Variants in HORMAD2 observed in about 807,000 individuals in gnomAD.
HORMAD2 encodes HORMA domain-containing protein 2.
Under a neutral mutation model 38.8 loss-of-function variants are expected in HORMAD2, and 45 were observed. The observed-to-expected ratio is 1.16, with a 90% CI of 0.91 to 1.49. The LOEUF is 1.49. Ranked by LOEUF, HORMAD2 falls within the 40% of genes most tolerant of loss-of-function variation. The pLI is 0.00. For synonymous variants in HORMAD2, 126 were observed against 122.8 expected (o/e 1.03, Z -0.17); for missense variants, 338 against 367.0 (o/e 0.92, Z 0.65).
intron 10 of HORMAD2, among the ~76,000 whole-genome samples, chr22:30,144,944 G>T (rs1053340444): frequency 5.9e-5 from 9 of 152,140 alleles, no homozygotes; most frequent in African/African-American, 1.9e-4. Context: ...TTGGGAGAGA[G>T]GGAGGCTTGT....
chr22:30,199,955 C>CA, the HORMAD2 span, among the ~76,000 whole-genome samples: 1 of 151,636 alleles, frequency 6.6e-6, no homozygotes, highest in Non-Finnish European at 1.5e-5. Context: ...ACTAAAAATG[C>CA]AAAAAAATTT....
At chr22:30,093,326 T>C (rs903094216) in intron 1 of HORMAD2, among the ~76,000 whole-genome samples, 1 of 152,168 alleles carries the variant, frequency 6.6e-6, no homozygotes, top group South Asian at 2.1e-4. Flanking sequence ...AGTATAAACA[T>C]TAACTTCTGA....
chr22:30,089,066 G>T (rs958700839), intron 1 of HORMAD2, among the ~76,000 whole-genome samples: 3 of 152,086 alleles, frequency 2.0e-5, no homozygotes, highest in African/African-American at 7.2e-5. Flanking sequence ...CCCCTCTGAA[G>T]AAATAATTTG....
intron 10 of HORMAD2, among the ~76,000 whole-genome samples, chr22:30,141,993 T>TA (rs1342561289): frequency 6.6e-6 from 1 of 152,172 alleles, no homozygotes; most frequent in Admixed American, 6.5e-5. Flanking sequence ...CTCTTACCTG[T>TA]AATCCTAGCA....
intron 4 of HORMAD2, 61 bp downstream of exon 4, chr22:30,103,561 C>G: frequency 1.3e-6 from 1 of 774,634 alleles, no homozygotes; most frequent in Non-Finnish European, 2.1e-6. Flanking sequence ...CTGAAATTAC[C>G]CATAAGACTT....
intron 10 of HORMAD2, among the ~76,000 whole-genome samples, chr22:30,141,992 G>C (rs930979941): frequency 6.6e-6 from 1 of 152,150 alleles, no homozygotes; most frequent in Non-Finnish European, 1.5e-5. Context: ...GCTCTTACCT[G>C]TAATCCTAGC....
chr22:30,088,124 CGT>C (rs1491386036), intron 1 of HORMAD2, among the ~76,000 whole-genome samples: 12 of 144,646 alleles, frequency 8.3e-5, no homozygotes, highest in Non-Finnish European at 1.0e-4. Flanking sequence ...TATACACACA[CGT>C]ACACATGTGT....
chr22:30,115,354 T>A (rs2146116640), intron 7 of HORMAD2, among the ~76,000 whole-genome samples: 1 of 152,274 alleles, frequency 6.6e-6, no homozygotes, highest in East Asian at 1.9e-4. Context: ...AGGATCCCCT[T>A]GCCTCAGCCT....
chr22:30,202,416 A>G, the HORMAD2 span, among the ~76,000 whole-genome samples: 2 of 149,528 alleles, frequency 1.3e-5, no homozygotes, highest in Non-Finnish European at 3.0e-5. Context: ...TTTTTAATTT[A>G]TCAGCTTACA....
chr22:30,183,445 C>T, the HORMAD2 span, among the ~76,000 whole-genome samples: 4 of 152,284 alleles, frequency 2.6e-5, no homozygotes, highest in Middle Eastern at 6.8e-3. Context: ...CGTGGTGGGA[C>T]CTCCACTCAG....
intron 4 of HORMAD2, 51 bp downstream of exon 4, chr22:30,103,551 C>G: frequency 4.5e-6 from 4 of 881,878 alleles, no homozygotes; most frequent in Non-Finnish European, 7.2e-6. Context: ...TTTATCATGG[C>G]TGAAATTACC....
At chr22:30,134,471 A>G (rs932793309) in intron 10 of HORMAD2, among the ~76,000 whole-genome samples, 17 of 148,182 alleles carry the variant, frequency 1.1e-4, no homozygotes, top group Non-Finnish European at 2.1e-4. Flanking sequence ...ATATGTATAT[A>G]TATACAATTA....
At chr22:30,107,104 C>T (rs140273402) in intron 5 of HORMAD2, among the ~76,000 whole-genome samples, 1 of 152,308 alleles carries the variant, frequency 6.6e-6, no homozygotes, top group Non-Finnish European at 1.5e-5. Flanking sequence ...CTGTGCCAGA[C>T]ACTGTGCCTA....
chr22:30,189,302 C>T, the HORMAD2 span, among the ~76,000 whole-genome samples: 1 of 146,334 alleles, frequency 6.8e-6, no homozygotes. Flanking sequence ...GTTACCACTT[C>T]ATCCAGATTC....
At chr22:30,126,037 C>T (rs564922148) in intron 10 of HORMAD2, among the ~76,000 whole-genome samples, 26 of 152,298 alleles carry the variant, frequency 1.7e-4, no homozygotes, top group Non-Finnish European at 3.1e-4. Context: ...TAGAATTCTT[C>T]CAGACCCTGA....
chr22:30,125,250 A>G (rs1377753614), intron 10 of HORMAD2, among the ~76,000 whole-genome samples: 2 of 29,414 alleles, frequency 6.8e-5, no homozygotes, highest in African/African-American at 3.0e-4. Context: ...TTTGAGACAG[A>G]GTTTCCTCTT....
chr22:30,116,109 C>T (rs1040376233), intron 7 of HORMAD2, among the ~76,000 whole-genome samples: 1 of 151,958 alleles, frequency 6.6e-6, no homozygotes, highest in Admixed American at 6.6e-5. Flanking sequence ...TATCATTAAC[C>T]GGAGACCACA....
At chr22:30,202,596 A>C in the HORMAD2 span, among the ~76,000 whole-genome samples, 1 of 152,084 alleles carries the variant, frequency 6.6e-6, no homozygotes, top group Non-Finnish European at 1.5e-5. Context: ...GCTTCCCATT[A>C]CAGCCTTCTC....
the HORMAD2 span, among the ~76,000 whole-genome samples, chr22:30,189,405 A>G: frequency 1.3e-5 from 2 of 152,172 alleles, no homozygotes; most frequent in South Asian, 4.1e-4. Flanking sequence ...AGTAGGTAGT[A>G]ACTACAACTC....
Sources: allele counts gnomAD v4.1 joint callset (sites outside exome capture counted in the v4.1 genomes callset), GRCh38; gene constraint gnomAD v4.1.1; transcripts MANE v1.5; gene names NCBI Gene and HGNC (gene_info 2026-07-23, HGNC 2026-07-21).